The following ZFX variants were observed in gnomAD, a reference collection of about 807,000 sequenced individuals.
ZFX encodes zinc finger X-chromosomal protein.
For synonymous variants in ZFX, 196 were observed against 226.8 expected, an observed-to-expected ratio of 0.86 and a Z score of 1.22; for missense variants, 362 against 628.3, an observed-to-expected ratio of 0.58 and a Z score of 4.53.
At chrX:24,149,052 A>C (rs1601759985), upstream of ZFX, 1 of 106,924 alleles carries the variant, frequency 9.4e-6, no homozygotes, top group African/African-American at 3.4e-5. Flanking sequence ...CTTCCCGCAC[A>C]CCCATTTAGA....
intron 4 of ZFX, chrX:24,173,733 A>G (rs901536214): frequency 4.3e-6 from 2 of 468,243 alleles, no homozygotes; most frequent in Admixed American, 4.0e-5. Context: ...GGTGTGTGCC[A>G]CAATGTCTGG....
chrX:24,186,890 G>A (rs954909989), intron 5 of ZFX, among the ~76,000 whole-genome samples: 1 of 111,440 alleles, frequency 9.0e-6, no homozygotes, highest in African/African-American at 3.3e-5. Flanking sequence ...CCATCACACC[G>A]TATGTATATT....
rs1194490165 is a variant in ZFX at position 24,210,682 on chromosome X, C to T, written c.1724C>T (p.Pro575Leu). The change falls in exon 10 of 10, where the codon CCG (proline) becomes CTG (leucine). Residue 575 changes from proline (P) to leucine (L), a missense_variant. Physicochemically the swap from Pro to Leu is moderately conservative, Grantham distance 98 (BLOSUM62 -3). Coordinates refer to ENST00000304543, the MANE Select transcript of ZFX (RefSeq NM_003410.4). ...KHMRIHTGEK[P>L]YQCQYCEYRS... Reference sequence around the variant, plus strand: ...ATGAGAATCCATACTGGGGAGAAGCCGTACCAATGCCAGTACTGCGAATAT... The same window carrying T: ...ATGAGAATCCATACTGGGGAGAAGCTGTACCAATGCCAGTACTGCGAATAT... 8.3e-7 allele frequency: 1 copy of T among 1,211,409 alleles called. No homozygotes were observed. Among genetic ancestry groups the T allele is most frequent in the East Asian group, 3.0e-5 (1 of 33,840 alleles).
chrX:24,169,593 T>TAA (rs63276860), intron 3 of ZFX, among the ~76,000 whole-genome samples: 38,820 of 86,917 alleles, frequency 0.45, 7,425 homozygotes, highest in South Asian at 0.71. Flanking sequence ...AACTAGGAAT[T>TAA]AAAAAAAAAA....
chrX:24,165,189 T>A (rs970191003), intron 3 of ZFX, among the ~76,000 whole-genome samples: 1 of 112,531 alleles, frequency 8.9e-6, no homozygotes, highest in African/African-American at 3.2e-5. Context: ...GGCATGAATT[T>A]GGCTCACTGC....
chrX:24,166,005 T>G (rs1184508142), intron 3 of ZFX, among the ~76,000 whole-genome samples: 1 of 112,563 alleles, frequency 8.9e-6, no homozygotes, highest in Non-Finnish European at 1.9e-5. Context: ...AGTACTTTAT[T>G]AAGGAGGCTG....
chrX:24,153,961 C>T (rs1932518129), intron 3 of ZFX, among the ~76,000 whole-genome samples: 1 of 110,895 alleles, frequency 9.0e-6, no homozygotes, highest in Admixed American at 9.7e-5. Context: ...GGCACCAGGT[C>T]AAGGAGTAAC....
chrX:24,198,487 T>TG (rs1243001092), intron 5 of ZFX, among the ~76,000 whole-genome samples: 1 of 109,871 alleles, frequency 9.1e-6, no homozygotes, highest in Non-Finnish European at 1.9e-5. Flanking sequence ...GGCTTTGTTT[T>TG]TTTTTTTTTT....
rs62587207 is a variant in ZFX, at chrX:24,158,294, C to T, written c.-29+5464C>T. Among the ~76,000 whole-genome samples the T allele has an allele frequency of 7.9e-3, 877 of 110,521 alleles. 4 individuals carry two copies. The highest frequency in any genetic ancestry group is 0.028 in the Middle Eastern group (6 of 218). On this transcript the variant is annotated intron_variant, in intron 3 of 9. Transcript: ENST00000304543. ...TCATGCCGGGTGTGGTGGTTCACGC[C>T]TGTAACCCCAGCACTTTGGGAGGCC...
At chrX:24,198,136 A>T (rs2147922588) in intron 5 of ZFX, among the ~76,000 whole-genome samples, 1 of 112,755 alleles carries the variant, frequency 8.9e-6, no homozygotes, top group African/African-American at 3.2e-5. Flanking sequence ...ACATAGTGAC[A>T]GTAGATGCTG....
intron 9 of ZFX, 196 bp downstream of exon 9, chrX:24,209,236 C>T: frequency 1.5e-6 from 1 of 651,210 alleles, no homozygotes; most frequent in East Asian, 3.8e-5. Context: ...AGAAACAGGA[C>T]ATGGCTGAAA....
Position 24,210,756 on chromosome X carries a change from A to G in ZFX, c.1798A>G (p.Ser600Gly). The G allele has an allele frequency of 8.3e-7, 1 of 1,212,044 alleles. No individual in the cohort carries two copies. The highest frequency in any genetic ancestry group is 1.1e-6 in the Non-Finnish European group (1 of 895,613). The change falls in exon 10 of 10, where the codon AGT (serine) becomes GGT (glycine). Residue 600 changes from serine to glycine, a missense_variant. Ser to Gly is a moderately conservative substitution (Grantham distance 56, BLOSUM62 0). Coordinates refer to ENST00000304543, the MANE Select transcript of ZFX (RefSeq NM_003410.4). The part of the protein sequence containing the change: ...NLKTHVKTKH[S>G]KEMPFKCDIC... ...GAAAACGCATGTCAAAACTAAGCATAGTAAAGAGATGCCATTCAAGTGTGA... is the reference window on the plus strand; with the variant it reads ...GAAAACGCATGTCAAAACTAAGCATGGTAAAGAGATGCCATTCAAGTGTGA...
intron 5 of ZFX, among the ~76,000 whole-genome samples, chrX:24,187,444 A>G (rs747825421): frequency 1.9e-4 from 21 of 112,025 alleles, no homozygotes; most frequent in African/African-American, 6.8e-4. Flanking sequence ...AATTCCAAAG[A>G]TAACTACAAT....
Position 24,212,870 on chromosome X carries a change from C to G in ZFX, c.*1494C>G, listed in dbSNP as rs1008396694. The G allele has an allele frequency of 4.6e-5, 5 of 109,292 alleles. No homozygotes were observed. The highest frequency in any genetic ancestry group is 1.7e-4 in the African/African-American group (5 of 30,111). The allele number at this position is 109,292 out of a possible 1,213,427, so 9.0% of individuals were successfully genotyped here. A position where few individuals can be genotyped will look rare whatever the true frequency, so the allele number is the denominator to read the frequency against. ...ATTTGGAACATCACTAAGTCTTCCA[C>G]AGGTTTTTTGTTTGTTTGTTTTTTT... On this transcript the variant is annotated 3_prime_UTR_variant, in exon 10 of 10. Coordinates refer to ENST00000304543, the MANE Select transcript of ZFX (RefSeq NM_003410.4).
chrX:24,179,588 A>G lies in ZFX; in HGVS notation c.464A>G (p.His155Arg), dbSNP rs1935490097. 1 of 1,212,007 alleles carries G rather than the reference A, an allele frequency of 8.3e-7. No individual in the cohort carries two copies. The highest frequency in any genetic ancestry group is 3.0e-5 in the East Asian group (1 of 33,847). Residue 155 changes from histidine to arginine, a missense_variant, in exon 5 of 10, where the codon CAT (histidine) becomes CGT (arginine). Coordinates refer to ENST00000304543, the MANE Select transcript of ZFX (RefSeq NM_003410.4). ...GTTGGACATGTTGGACATGTTGAAC[A>G]TGTGGTTCATGATAGTGTAGTGGAA... Reference protein sequence around the residue: ...GHVGHVGHVEHVVHDSVVEAE... With the variant: ...GHVGHVGHVERVVHDSVVEAE...
At chrX:24,188,237 T>TATA (rs1474251055) in intron 5 of ZFX, among the ~76,000 whole-genome samples, 1 of 110,545 alleles carries the variant, frequency 9.0e-6, no homozygotes, top group Non-Finnish European at 1.9e-5. Flanking sequence ...ACAAAAGCGT[T>TATA]ATAAACTGAA....
intron 5 of ZFX, among the ~76,000 whole-genome samples, chrX:24,205,193 C>T (rs1342918450): frequency 8.9e-6 from 1 of 112,372 alleles, no homozygotes; most frequent in African/African-American, 3.2e-5. Flanking sequence ...GGCCTCGGTC[C>T]TGCTCCCCTC....
intron 3 of ZFX, among the ~76,000 whole-genome samples, chrX:24,162,827 C>T (rs1933494556): frequency 9.0e-6 from 1 of 111,401 alleles, no homozygotes; most frequent in East Asian, 2.8e-4. Context: ...AGAAACCCTA[C>T]ACCTACTGGT....
chrX:24,174,392 T>TA (rs1229705470), intron 4 of ZFX, among the ~76,000 whole-genome samples: 9 of 90,168 alleles, frequency 1.0e-4, no homozygotes, highest in East Asian at 4.0e-4. Context: ...GATTTTAAAT[T>TA]AAAATTTTTT....
Sources: allele counts gnomAD v4.1 joint callset (sites outside exome capture counted in the v4.1 genomes callset), GRCh38; gene constraint gnomAD v4.1.1; transcripts MANE v1.5; gene names NCBI Gene and HGNC (gene_info 2026-07-23, HGNC 2026-07-21).